PKP2: variants seen among roughly 807,000 people sequenced by gnomAD.
PKP2 encodes the protein plakophilin 2.
A neutral mutation model predicts 83.4 loss-of-function variants in PKP2; 73 were observed. That is an observed-to-expected ratio of 0.88 (90% CI 0.72 to 1.06). The LOEUF is 1.06. Among genes scored for constraint, PKP2 ranks in the 50% least tolerant of loss-of-function variants. The probability of loss-of-function intolerance (pLI) is 0.00; values close to 1 mark genes in which losing one functional copy is unlikely to be tolerated. For synonymous variants in PKP2, 409 were observed against 430.4 expected (o/e 0.95, Z 0.62); for missense variants, 966 against 1,065.4 (o/e 0.91, Z 1.30).
intron 6 of PKP2, chr12:32,824,428 A>T (rs1956413981): frequency 2.3e-6 from 1 of 444,434 alleles, no homozygotes; most frequent in African/African-American, 2.0e-5. Context: ...TTATTTACTT[A>T]ATCTTCACTC....
At chr12:32,797,167 C>T (rs979243429) in intron 10 of PKP2, among the ~76,000 whole-genome samples, 3 of 151,898 alleles carry the variant, frequency 2.0e-5, no homozygotes, top group Admixed American at 1.3e-4. Context: ...TGGCCAGGTT[C>T]GGTGGCTCAC....
chr12:32,847,968 C>T (rs1228502310), intron 5 of PKP2, among the ~76,000 whole-genome samples: 1 of 152,060 alleles, frequency 6.6e-6, no homozygotes, highest in Non-Finnish European at 1.5e-5. Context: ...AAATCCACAC[C>T]GTCCCTAGGC....
intron 12 of PKP2, 38 bp downstream of exon 12, chr12:32,792,606 T>A: frequency 1.3e-6 from 2 of 1,580,036 alleles, no homozygotes; most frequent in Non-Finnish European, 1.7e-6. Context: ...ATTACCTGGC[T>A]CTGTTAACTA....
intron 1 of PKP2, among the ~76,000 whole-genome samples, chr12:32,879,760 G>A (rs1402155271): frequency 1.3e-5 from 2 of 151,304 alleles, no homozygotes; most frequent in South Asian, 2.1e-4. Flanking sequence ...AACCCAGGAG[G>A]TGGAGGTTGC....
intron 5 of PKP2, among the ~76,000 whole-genome samples, chr12:32,845,361 C>T (rs1266278586): frequency 2.0e-5 from 3 of 152,068 alleles, no homozygotes; most frequent in Non-Finnish European, 2.9e-5. Flanking sequence ...ACCATCCTGG[C>T]TAACATGGTA....
At chr12:32,896,440 G>A (rs1277661046) in intron 1 of PKP2, 69 bp downstream of exon 1, 18 of 1,207,320 alleles carry the variant, frequency 1.5e-5, no homozygotes, top group Middle Eastern at 2.9e-4. Flanking sequence ...GCGGGGTGAG[G>A]GCGGGATAGG....
At chr12:32,871,046 T>C (rs1240842987) in intron 3 of PKP2, among the ~76,000 whole-genome samples, 3 of 152,124 alleles carry the variant, frequency 2.0e-5, no homozygotes, top group African/African-American at 7.2e-5. Flanking sequence ...TTTGACTATC[T>C]ATCAAGTCCA....
intron 5 of PKP2, among the ~76,000 whole-genome samples, chr12:32,847,527 GAC>G (rs138388923): frequency 6.6e-5 from 10 of 151,232 alleles, no homozygotes; most frequent in African/African-American, 7.2e-5. Context: ...TTGTTCCCTT[GAC>G]ACACACACAC....
intron 9 of PKP2, among the ~76,000 whole-genome samples, chr12:32,819,334 A>AAT (rs199729930): frequency 2.7e-5 from 4 of 149,098 alleles, no homozygotes; most frequent in African/African-American, 7.6e-5. Flanking sequence ...AATAAAATAA[A>AAT]ATAAAATAAA....
intron 4 of PKP2, among the ~76,000 whole-genome samples, chr12:32,863,779 T>G (rs1956821926): frequency 6.6e-6 from 1 of 152,180 alleles, no homozygotes; most frequent in African/African-American, 2.4e-5. Context: ...CTAACCAAAC[T>G]CTTTCAAAAA....
rs397517019 is a variant in PKP2 at position 32,896,518 on chromosome 12, C to A, written c.214G>T (p.Val72Leu). ...GGCGGGCTCCACTCACCGTTGCCCA[C>A]GGAGCTGCGGCCCTTCCGGGCGAGG... Reference protein sequence around the residue: ...QTLARKGRSSVGNGNLHRTSS... With the variant: ...QTLARKGRSSLGNGNLHRTSS... Residue 72 changes from valine to leucine, a missense_variant, in exon 1 of 13, where the codon GTG becomes TTG. By Grantham distance (32) the Val-to-Leu change is conservative (BLOSUM62 1). Coordinates refer to ENST00000340811, the MANE Select transcript of PKP2 (RefSeq NM_001005242.3). The A allele has an allele frequency of 3.9e-6, 6 of 1,532,776 alleles. No homozygotes were observed. Among genetic ancestry groups the A allele is most frequent in the Non-Finnish European group, 5.2e-6 (6 of 1,144,518 alleles). 94.9% of individuals were successfully genotyped at this position (1,532,776 alleles called of 1,614,324 possible).
At chr12:32,841,234 C>G in intron 5 of PKP2, 29 bp from the exon 6 acceptor site, 1 of 1,593,870 alleles carries the variant, frequency 6.3e-7, no homozygotes, top group Non-Finnish European at 8.6e-7. Context: ...ACCATGAAAA[C>G]AGTGCAGGGT....
chr12:32,797,662 TCTC>T (rs1369058606), intron 10 of PKP2, among the ~76,000 whole-genome samples: 1 of 151,356 alleles, frequency 6.6e-6, no homozygotes, highest in Non-Finnish European at 1.5e-5. Context: ...TTCATGCCAT[TCTC>T]CTGCCTCAGC....
intron 1 of PKP2, among the ~76,000 whole-genome samples, chr12:32,892,461 C>A (rs1591834498): frequency 1.3e-5 from 2 of 151,908 alleles, no homozygotes. Context: ...TACAGGTATG[C>A]ACCACCACAC....
chr12:32,851,008 A>C, intron 4 of PKP2, 35 bp from the exon 5 acceptor site: 1 of 1,554,836 alleles, frequency 6.4e-7, no homozygotes, highest in Non-Finnish European at 8.9e-7. Flanking sequence ...TCTAATATTA[A>C]TTTTGATGTG....
chr12:32,799,191 C>T lies in PKP2; in HGVS notation c.2168-2893G>A, dbSNP rs143816776. Among the ~76,000 whole-genome samples the T allele has an allele frequency of 3.6e-3, 543 of 152,240 alleles. 3 individuals carry two copies. Among genetic ancestry groups the T allele is most frequent in the African/African-American group, 0.012 (498 of 41,540 alleles). The stretch of plus-strand genomic sequence containing the variant: ...CTCATACATATGAAAAAATGCTCAA[C>T]ATCACTAATTATCATGGAAATGCAA... On this transcript the variant is annotated intron_variant, in intron 10 of 12. Transcript: ENST00000340811.
At chr12:32,888,024 A>AG (rs1957045252) in intron 1 of PKP2, among the ~76,000 whole-genome samples, 1 of 152,116 alleles carries the variant, frequency 6.6e-6, no homozygotes, top group African/African-American at 2.4e-5. Flanking sequence ...TACAAAAAAA[A>AG]TACAAAAATT....
intron 6 of PKP2, among the ~76,000 whole-genome samples, chr12:32,834,340 A>G (rs185341945): frequency 3.2e-4 from 49 of 152,324 alleles, no homozygotes; most frequent in African/African-American, 1.1e-3. Flanking sequence ...AAGAGGGAGA[A>G]TAAAGGCAGA....
In PKP2 at chr12:32,798,212, G is replaced by C. The variant is rs565090542; in HGVS notation, c.2168-1914C>G. Among the ~76,000 whole-genome samples, 5 of 149,280 alleles carry C rather than the reference G, an allele frequency of 3.3e-5. No individual in the cohort carries two copies. The East Asian group carries it at 1.0e-3, about 31-fold the overall frequency. On this transcript the variant is annotated intron_variant, in intron 10 of 12. Transcript: ENST00000340811. ...CAATTCTCCTGCCTCAGCCTCCCGA[G>C]TAGCTAGGATTACAGGTACGCACCA...
Sources: gnomAD v4.1 joint callset for allele counts (sites outside exome capture counted in the v4.1 genomes callset) on GRCh38, gnomAD v4.1.1 for gene constraint, MANE v1.5 for transcripts, NCBI Gene and HGNC (gene_info 2026-07-23, HGNC 2026-07-21) for gene names.